Variants in TIAM2 observed in about 807,000 individuals in gnomAD.
TIAM2 encodes TIAM Rac1 associated GEF 2, also known as rho guanine nucleotide exchange factor TIAM2.
Under a neutral mutation model 152.9 loss-of-function variants are expected in TIAM2, and 80 were observed. That is an observed-to-expected ratio of 0.52 (90% CI 0.44 to 0.63). TIAM2 has a LOEUF of 0.63. Ranked by LOEUF, TIAM2 falls within the 30% of genes least tolerant of loss-of-function variation. TIAM2 has a pLI of 0.00. For missense variants in TIAM2, 1,965 were observed against 2,120.1 expected (o/e 0.93, Z 1.44); for synonymous variants, 804 against 838.0 (o/e 0.96, Z 0.70).
chr6:155,247,871 G>C (rs1285577598), intron 19 of TIAM2, 129 bp from the exon 20 acceptor site: 1 of 1,195,206 alleles, frequency 8.4e-7, no homozygotes, highest in African/African-American at 1.5e-5. Flanking sequence ...CTGATGTGTT[G>C]GGGTTTTCAT....
At chr6:155,190,709 T>G (rs1433148919) in intron 14 of TIAM2, among the ~76,000 whole-genome samples, 1 of 152,182 alleles carries the variant, frequency 6.6e-6, no homozygotes, top group Non-Finnish European at 1.5e-5. Context: ...TTGATAGACA[T>G]TTGAGAGTTT....
intron 2 of TIAM2, among the ~76,000 whole-genome samples, chr6:155,102,925 A>G (rs1312067996): frequency 6.6e-6 from 1 of 152,128 alleles, no homozygotes; most frequent in Non-Finnish European, 1.5e-5. Context: ...ATAATTGTTA[A>G]TAGCTTGCCA....
chr6:155,049,092 T>C (rs1259878778), intron 1 of TIAM2, among the ~76,000 whole-genome samples: 2 of 152,174 alleles, frequency 1.3e-5, no homozygotes, highest in Non-Finnish European at 1.5e-5. Context: ...TGAGCCACCA[T>C]GCCCAGCCTT....
In TIAM2 at chr6:155,165,271, T is replaced by G. The variant is rs1456402524; in HGVS notation, c.2223T>G (p.Ser741=). The G allele has an allele frequency of 6.2e-7, 1 of 1,613,202 alleles. No homozygotes were observed. Among genetic ancestry groups the G allele is most frequent in the Admixed American group, 1.7e-5 (1 of 59,700 alleles). ...ACTGTGTTTTACATTAGGTATGTTC[T>G]AGAGATGACTCTGCTCTCCGGAAAA... ...SVSSFHALVC[S]RDDSALRKRT... Residue 741 remains serine, a synonymous_variant, in exon 9 of 27, where the codon TCT becomes TCG. Coordinates refer to ENST00000682666, the MANE Select transcript of TIAM2 (RefSeq NM_012454.4).
chr6:155,032,579 T>C (rs1397627522), intron 1 of TIAM2, among the ~76,000 whole-genome samples: 1 of 152,132 alleles, frequency 6.6e-6, no homozygotes, highest in African/African-American at 2.4e-5. Context: ...ATCGCTCTGT[T>C]GCCCAGGCTG....
chr6:155,021,291 C>T (rs1004196133), intron 1 of TIAM2, among the ~76,000 whole-genome samples: 10 of 151,912 alleles, frequency 6.6e-5, no homozygotes, highest in South Asian at 2.1e-4. Flanking sequence ...GATGGAGTTT[C>T]GCTCTTGTCC....
chr6:155,022,828 C>T (rs190330771), intron 1 of TIAM2, among the ~76,000 whole-genome samples: 3 of 152,268 alleles, frequency 2.0e-5, no homozygotes, highest in African/African-American at 4.8e-5. Flanking sequence ...AATATAGGTT[C>T]GAGTTAGTAG....
intron 1 of TIAM2, among the ~76,000 whole-genome samples, chr6:155,065,400 G>A (rs1777671439): frequency 6.6e-6 from 1 of 151,996 alleles, no homozygotes. Context: ...AAAAATAACT[G>A]TTTTTCTTAA....
chr6:155,042,648 C>G (rs1488164148), intron 1 of TIAM2, among the ~76,000 whole-genome samples: 1 of 152,066 alleles, frequency 6.6e-6, no homozygotes, highest in Non-Finnish European at 1.5e-5. Context: ...TGTCAAGGAA[C>G]TTAAGGAGAT....
At chr6:154,996,344 A>G (rs1371968980) in intron 1 of TIAM2, among the ~76,000 whole-genome samples, 1 of 152,170 alleles carries the variant, frequency 6.6e-6, no homozygotes, top group African/African-American at 2.4e-5. Flanking sequence ...GATTCCAAAG[A>G]TAATTTCATT....
At chr6:155,071,213 T>C (rs1777831848) in intron 1 of TIAM2, among the ~76,000 whole-genome samples, 1 of 152,084 alleles carries the variant, frequency 6.6e-6, no homozygotes, top group Non-Finnish European at 1.5e-5. Flanking sequence ...GACAGGTGTG[T>C]TTATGTGTTA....
At chr6:155,242,753 G>T (rs1165890374) in intron 16 of TIAM2, among the ~76,000 whole-genome samples, 1 of 151,858 alleles carries the variant, frequency 6.6e-6, no homozygotes, top group African/African-American at 2.4e-5. Context: ...TTATTATTTT[G>T]GAGATGGAGT....
At chr6:155,052,984 T>A (rs147345465) in intron 1 of TIAM2, among the ~76,000 whole-genome samples, 4 of 152,088 alleles carry the variant, frequency 2.6e-5, no homozygotes, top group African/African-American at 9.7e-5. Flanking sequence ...TGAGTATCTG[T>A]TGAATGAATG....
intron 8 of TIAM2, 57 bp downstream of exon 8, chr6:155,164,657 C>G (rs1338145406): frequency 6.4e-7 from 1 of 1,552,194 alleles, no homozygotes; most frequent in Non-Finnish European, 8.7e-7. Flanking sequence ...CGGATGCTCC[C>G]CCTTTCTTCA....
At chr6:155,009,363 A>T (rs1778450325) in intron 1 of TIAM2, among the ~76,000 whole-genome samples, 1 of 151,948 alleles carries the variant, frequency 6.6e-6, no homozygotes, top group Non-Finnish European at 1.5e-5. Context: ...TGGCCTCCCA[A>T]AGTTCTAGGA....
At chr6:154,998,963 A>G (rs1331654980) in intron 1 of TIAM2, among the ~76,000 whole-genome samples, 1 of 152,146 alleles carries the variant, frequency 6.6e-6, no homozygotes, top group East Asian at 1.9e-4. Flanking sequence ...GCCAAACACA[A>G]TGCCCTGGGT....
At chr6:155,063,073 T>A (rs536291276) in intron 1 of TIAM2, among the ~76,000 whole-genome samples, 44 of 152,306 alleles carry the variant, frequency 2.9e-4, no homozygotes, top group African/African-American at 9.9e-4. Context: ...AATAAGTTCT[T>A]TATTGGATAT....
rs1329353011 is a variant in TIAM2, at chr6:155,248,111, AC to A, written c.3767del (p.Pro1256ArgfsTer10). On this transcript the variant is annotated frameshift_variant, in exon 20 of 27. Transcript: ENST00000682666. LOFTEE classifies it high-confidence loss of function. ...AAGCCGGTTCAGAGAGTGCTCAAGT[AC>A]CCGCTGCTGCTCAAGGAGCTGGTGT... ...LIKPVQRVLK[Y>X]PLLLKELVSL... The A allele has an allele frequency of 6.2e-7, 1 of 1,614,124 alleles. No individual in the cohort carries two copies. Among genetic ancestry groups the A allele is most frequent in the Non-Finnish European group, 8.5e-7 (1 of 1,180,030 alleles).
chr6:155,020,026 C>T (rs1329920152), intron 1 of TIAM2, among the ~76,000 whole-genome samples: 1 of 151,992 alleles, frequency 6.6e-6, no homozygotes, highest in Non-Finnish European at 1.5e-5. Flanking sequence ...GCACTCCAGC[C>T]TGGCAACAGA....
Sources: allele counts gnomAD v4.1 joint callset (sites outside exome capture counted in the v4.1 genomes callset), GRCh38; gene constraint gnomAD v4.1.1; transcripts MANE v1.5; gene names NCBI Gene and HGNC (gene_info 2026-07-23, HGNC 2026-07-21).